The following GET1 variants were observed in gnomAD, a reference collection of about 807,000 sequenced individuals.
The protein encoded by GET1 is congenital heart disease 5 protein.
Under a neutral mutation model 22.6 loss-of-function variants are expected in GET1, and 20 were observed. The ratio of observed to expected loss-of-function variants is 0.89; its 90% CI spans 0.62 to 1.29. The LOEUF (loss-of-function observed/expected upper bound fraction) is 1.29, where lower values mean the gene tolerates loss of function less well. Ranked by LOEUF, GET1 falls within the 50% of genes most tolerant of loss-of-function variation. GET1 has a pLI of 0.00. For synonymous variants in GET1, 92 were observed against 83.8 expected (o/e 1.10, Z -0.53); for missense variants, 209 against 219.9 (o/e 0.95, Z 0.31).
intron 2 of GET1, chr21:39,391,078 T>G (rs982565768): frequency 4.8e-6 from 2 of 420,622 alleles, no homozygotes; most frequent in Admixed American, 3.9e-5. Context: ...TAAGATCCTC[T>G]CAGATTTTCC....
rs868865762 is a variant in GET1, at chr21:39,396,778, C to T, written c.452-88C>T. 5.7e-5 allele frequency: 67 copies of T among 1,171,136 alleles called. No individual in the cohort carries two copies. The Middle Eastern group carries it at 2.2e-3, about 39-fold the overall frequency. 72.5% of individuals were successfully genotyped at this position (1,171,136 alleles called of 1,614,324 possible). A position where few individuals can be genotyped will look rare whatever the true frequency, so the allele number is the denominator to read the frequency against. ...GCACTGCTCAAAAAGAATGGAAATA[C>T]TCTCTTTGCTGTGAGTTAAAGACAG... On this transcript the variant is annotated intron_variant, in intron 4 of 4. Transcript: ENST00000649170.
In GET1 at chr21:39,423,535, A is replaced by C. The variant is rs373986807; in HGVS notation, c.*24-4697A>C. 26 of 1,455,444 alleles carry C rather than the reference A, an allele frequency of 1.8e-5. No homozygotes were observed. The African/African-American group carries it at 3.4e-4, about 19-fold the overall frequency. The allele number at this position is 1,455,444 out of a possible 1,614,324, so 90.2% of individuals were successfully genotyped here. A position where few individuals can be genotyped will look rare whatever the true frequency, so the allele number is the denominator to read the frequency against. On this transcript the variant is annotated intron_variant, in intron 1 of 1. Transcript: ENST00000478273. ...AGTTTATTACTAGTAAAATATACAGATATGCAAATATGCACATATGCATAA... is the reference window on the plus strand; with the variant it reads ...AGTTTATTACTAGTAAAATATACAGCTATGCAAATATGCACATATGCATAA...
exon 2 of GET1, chr21:39,428,409 A>T (rs2075132672): frequency 6.2e-7 from 1 of 1,612,946 alleles, no homozygotes; most frequent in Non-Finnish European, 8.5e-7. Flanking sequence ...CTTCTCTTGC[A>T]TGCTGCAGAC....
At chr21:39,380,560 C>CA in intron 1 of GET1, 74 bp downstream of exon 1, 7 of 1,554,538 alleles carry the variant, frequency 4.5e-6, no homozygotes, top group Non-Finnish European at 6.1e-6. Context: ...GGCGTAGGTA[C>CA]AGGGGTCTCA....
chr21:39,381,160 G>A (rs1023907129), intron 1 of GET1, among the ~76,000 whole-genome samples: 2 of 152,162 alleles, frequency 1.3e-5, no homozygotes, highest in Non-Finnish European at 2.9e-5. Flanking sequence ...GTGACTGGAG[G>A]TGGAGATTTG....
At chr21:39,381,667 T>A (rs1039176883) in intron 1 of GET1, among the ~76,000 whole-genome samples, 2 of 152,232 alleles carry the variant, frequency 1.3e-5, no homozygotes, top group African/African-American at 2.4e-5. Context: ...ACACATAATA[T>A]GAAGTTTATC....
chr21:39,408,580 G>T (rs556646527), downstream of GET1: 2 of 152,490 alleles, frequency 1.3e-5, no homozygotes, highest in Admixed American at 1.3e-4. Context: ...CTGATGAAGT[G>T]TTGTACTCTC....
At chr21:39,387,691 TCC>T (rs369726797) in intron 1 of GET1, 23 of 109,850 alleles carry the variant, frequency 2.1e-4, no homozygotes, top group African/African-American at 3.0e-4. Flanking sequence ...CTCCCCACAC[TCC>T]CCCCCCCCAC....
intron 1 of GET1, among the ~76,000 whole-genome samples, chr21:39,412,038 T>G (rs1817946040): frequency 6.6e-6 from 1 of 152,212 alleles, no homozygotes; most frequent in East Asian, 1.9e-4. Context: ...GCCTTGCAGG[T>G]CAGCTTGTCC....
chr21:39,413,846 C>T (rs1387236810), intron 1 of GET1: 1 of 152,264 alleles, frequency 6.6e-6, no homozygotes, highest in African/African-American at 2.4e-5. Context: ...TCAGTTCTAT[C>T]TTTTGATTTG....
intron 4 of GET1, among the ~76,000 whole-genome samples, chr21:39,394,812 A>G (rs2038532125): frequency 6.6e-6 from 1 of 152,108 alleles, no homozygotes; most frequent in Non-Finnish European, 1.5e-5. Context: ...TAGCATATGA[A>G]TTTTAGGGGG....
chr21:39,421,789 A>G (rs1206092946), intron 1 of GET1: 1 of 152,224 alleles, frequency 6.6e-6, no homozygotes, highest in East Asian at 1.9e-4. Context: ...TTAAAGAAAT[A>G]ACATGTTTTG....
downstream of GET1, among the ~76,000 whole-genome samples, chr21:39,409,626 T>C (rs1363047430): frequency 6.6e-6 from 1 of 152,118 alleles, no homozygotes; most frequent in Non-Finnish European, 1.5e-5. The surrounding 1 kb of genome is among the most constrained non-coding windows in gnomAD (Gnocchi z 4.2). Context: ...AGAGTCTCAC[T>C]CTGTCACCCA....
chr21:39,399,315 C>T (rs1029128239), downstream of GET1, among the ~76,000 whole-genome samples: 4 of 151,828 alleles, frequency 2.6e-5, no homozygotes, highest in Non-Finnish European at 4.4e-5. Context: ...TTGGGAAGTA[C>T]AGAAAAGCAG....
downstream of GET1, among the ~76,000 whole-genome samples, chr21:39,408,911 G>A (rs905139176): frequency 6.6e-6 from 1 of 152,156 alleles, no homozygotes; most frequent in African/African-American, 2.4e-5. Context: ...ATTGCCCTTT[G>A]CTCAGCTGGA....
In GET1 at chr21:39,420,762, G is replaced by C. The variant is rs200548913; in HGVS notation, c.*24-7470G>C. On this transcript the variant is annotated intron_variant, in intron 1 of 1. Transcript: ENST00000478273. ...ACCTGCAGAGTCTTGGTAGCTGTCTGAGCTGCTAAAGTCTTCCGAGTCTCA... is the reference window on the plus strand; with the variant it reads ...ACCTGCAGAGTCTTGGTAGCTGTCTCAGCTGCTAAAGTCTTCCGAGTCTCA... 38 of 1,613,546 alleles carry C rather than the reference G, an allele frequency of 2.4e-5. No homozygotes were observed. Among genetic ancestry groups the C allele is most frequent in the Non-Finnish European group, 3.1e-5 (36 of 1,179,532 alleles).
intron 3 of GET1, 53 bp from the exon 4 acceptor site, chr21:39,393,112 GT>G: frequency 4.8e-6 from 7 of 1,455,402 alleles, no homozygotes; most frequent in Non-Finnish European, 6.8e-6. Flanking sequence ...TCCCTTCTGT[GT>G]GGTCGGTTGT....
exon 2 of GET1, chr21:39,428,309 C>A (rs1235353299): frequency 6.2e-7 from 1 of 1,613,174 alleles, no homozygotes; most frequent in Non-Finnish European, 8.5e-7. Context: ...ATACTGAGAA[C>A]TTAAACTTCC....
At chr21:39,411,672 C>A in intron 1 of GET1, 1 of 957,830 alleles carries the variant, frequency 1.0e-6, no homozygotes, top group Non-Finnish European at 1.6e-6. Context: ...GAAAATCTGA[C>A]TAGATACTTA....
Sources: allele counts gnomAD v4.1 joint callset (sites outside exome capture counted in the v4.1 genomes callset), GRCh38; gene constraint gnomAD v4.1.1; non-coding constraint Gnocchi (gnomAD v3.1); transcripts MANE v1.5; gene names NCBI Gene and HGNC (gene_info 2026-07-23, HGNC 2026-07-21).